BCAS3: variants seen among roughly 807,000 people sequenced by gnomAD.
The protein encoded by BCAS3 is BCAS4/BCAS3 fusion.
A neutral mutation model predicts 116.1 loss-of-function variants in BCAS3; 53 were observed. That is an observed-to-expected ratio of 0.46 (90% CI 0.37 to 0.57). The LOEUF is 0.57. Among genes scored for constraint, BCAS3 ranks in the 20% least tolerant of loss-of-function variants. The probability of loss-of-function intolerance (pLI) is 0.00; values close to 1 mark genes in which losing one functional copy is unlikely to be tolerated. For synonymous variants in BCAS3, 391 were observed against 408.2 expected (o/e 0.96, Z 0.51); for missense variants, 917 against 1,165.4 (o/e 0.79, Z 3.10).
chr17:61,268,002 C>T (rs564021599), intron 22 of BCAS3, among the ~76,000 whole-genome samples: 35 of 152,222 alleles, frequency 2.3e-4, no homozygotes, highest in Admixed American at 7.9e-4. Flanking sequence ...TAATGTCCTA[C>T]ATTTGGTGCC....
intron 22 of BCAS3, among the ~76,000 whole-genome samples, chr17:61,247,808 C>A (rs1046298121): frequency 6.6e-6 from 1 of 152,154 alleles, no homozygotes; most frequent in South Asian, 2.1e-4. Flanking sequence ...ACCATCAGGC[C>A]CCCGCCTCTA....
chr17:60,730,740 GA>G (rs1468447687), intron 5 of BCAS3, among the ~76,000 whole-genome samples: 2 of 152,092 alleles, frequency 1.3e-5, no homozygotes, highest in African/African-American at 4.8e-5. Flanking sequence ...ACTTGTTAGA[GA>G]AAAAAAGGCC....
rs543119453 is a variant in BCAS3 at position 61,005,049 on chromosome 17, G to A, written c.1487-10702G>A. 2.0e-4 allele frequency among the ~76,000 whole-genome samples: 30 copies of A among 152,228 alleles called. No individual in the cohort carries two copies. In the South Asian group the frequency reaches 6.2e-3, roughly 32 times the overall value. ...ATAGTTTTCCGGCAGTGCTCCAGCT[G>A]ATTAGGAAAGTGTTTCGGCTTGACA... On this transcript the variant is annotated intron_variant, in intron 15 of 23. Coordinates refer to ENST00000407086, the MANE Select transcript of BCAS3 (RefSeq NM_017679.5).
chr17:60,785,988 A>T (rs1354390414), intron 6 of BCAS3, among the ~76,000 whole-genome samples: 1 of 152,196 alleles, frequency 6.6e-6, no homozygotes, highest in Non-Finnish European at 1.5e-5. Context: ...TAAAGTACAC[A>T]GGAGGATGTG....
At chr17:61,331,228 G>T (rs182150464) in intron 22 of BCAS3, among the ~76,000 whole-genome samples, 1 of 152,076 alleles carries the variant, frequency 6.6e-6, no homozygotes, top group Non-Finnish European at 1.5e-5. Flanking sequence ...GTGGGAGGGG[G>T]GCTTTTTGGC....
chr17:61,000,896 T>C (rs1342515259), intron 15 of BCAS3, among the ~76,000 whole-genome samples: 2 of 152,226 alleles, frequency 1.3e-5, no homozygotes, highest in African/African-American at 4.8e-5. Flanking sequence ...TATAAATCAG[T>C]ACACCTATTC....
Position 61,012,283 on chromosome 17 carries a change from G to C in BCAS3, c.1487-3468G>C, listed in dbSNP as rs2065164292. On this transcript the variant is annotated intron_variant, in intron 15 of 23. Coordinates refer to ENST00000407086, the MANE Select transcript of BCAS3 (RefSeq NM_017679.5). The surrounding 1 kb of genome is among the most constrained non-coding windows in gnomAD (Gnocchi z 4.5). ...GCCTCCAAAAGTGTGAAGTGACAGA[G>C]CAAAGATTGAGTGGAACTTTTGCTT... is the stretch of plus-strand genomic sequence containing the variant. Among the ~76,000 whole-genome samples, 1 of 152,104 alleles carries C rather than the reference G, an allele frequency of 6.6e-6. No homozygotes were observed. Among genetic ancestry groups the C allele is most frequent in the African/African-American group, 2.4e-5 (1 of 41,444 alleles).
chr17:61,027,144 A>C (rs1351977806), intron 16 of BCAS3, among the ~76,000 whole-genome samples: 1 of 151,762 alleles, frequency 6.6e-6, no homozygotes, highest in African/African-American at 2.4e-5. Flanking sequence ...ACCACAGATG[A>C]ATTTTTTTTA....
At chr17:61,260,857 T>C (rs2049144651) in intron 22 of BCAS3, among the ~76,000 whole-genome samples, 2 of 152,264 alleles carry the variant, frequency 1.3e-5, no homozygotes, top group African/African-American at 2.4e-5. Context: ...GATCAGGCTT[T>C]ATCTTCCTTT....
Position 61,128,295 on chromosome 17 carries a change from T to A in BCAS3, c.2425+43731T>A. 1.0e-6 allele frequency: 1 copy of A among 985,190 alleles called. No individual in the cohort carries two copies. The highest frequency in any genetic ancestry group is 1.2e-6 in the Non-Finnish European group (1 of 829,752). 61.0% of individuals were successfully genotyped at this position (985,190 alleles called of 1,614,324 possible). The stretch of plus-strand genomic sequence containing the variant: ...ACTTAAATCAGATTTCATCTACGGC[T>A]GAGATGCAGAGGAGAGACTTAGTGA... On this transcript the variant is annotated intron_variant, in intron 22 of 23. Coordinates refer to ENST00000407086, the MANE Select transcript of BCAS3 (RefSeq NM_017679.5). The surrounding 1 kb of genome is among the most constrained non-coding windows in gnomAD (Gnocchi z 4.1).
intron 13 of BCAS3, among the ~76,000 whole-genome samples, chr17:60,938,649 C>G (rs911079804): frequency 6.6e-6 from 1 of 151,868 alleles, no homozygotes; most frequent in Non-Finnish European, 1.5e-5. Flanking sequence ...AATTGGAAAT[C>G]TTTTGGGAAA....
rs1268353044 is a variant in BCAS3, at chr17:61,281,567, T to C, written c.2426-86760T>C. ...CATTTTATTGTAATTTAAATTTGCA[T>C]TTCTCTTAGACTGGCATGGAACGTA... On this transcript the variant is annotated intron_variant, in intron 22 of 23. Coordinates refer to ENST00000407086, the MANE Select transcript of BCAS3 (RefSeq NM_017679.5). The surrounding 1 kb of genome is among the most constrained non-coding windows in gnomAD (Gnocchi z 4.2). Among the ~76,000 whole-genome samples the C allele has an allele frequency of 6.6e-6, 1 of 152,198 alleles. No individual in the cohort carries two copies. The highest frequency in any genetic ancestry group is 2.4e-5 in the African/African-American group (1 of 41,454).
rs1322046647 is a variant in BCAS3, at chr17:61,208,889, A to G, written c.2425+124325A>G. 2.0e-5 allele frequency among the ~76,000 whole-genome samples: 3 copies of G among 152,106 alleles called. No individual in the cohort carries two copies. Among genetic ancestry groups the G allele is most frequent in the Non-Finnish European group, 4.4e-5 (3 of 68,028 alleles). On this transcript the variant is annotated intron_variant, in intron 22 of 23. Transcript: ENST00000407086. This position sits in a 1 kb window ranked among gnomAD's most constrained non-coding sequence, Gnocchi z 4.5. ...AAGTGCTAAAAAGGAAAAAAAAAAA[A>G]AAAGGAGGGCCTGTATCTCTTGTGT... is the stretch of plus-strand genomic sequence containing the variant.
intron 22 of BCAS3, among the ~76,000 whole-genome samples, chr17:61,221,669 C>G (rs2082119136): frequency 6.6e-6 from 1 of 152,072 alleles, no homozygotes. Context: ...GGGACTGTTA[C>G]CCCAACCAAG....
chr17:61,286,295 C>G lies in BCAS3; in HGVS notation c.2426-82032C>G, dbSNP rs920092218. Among the ~76,000 whole-genome samples, 1 of 152,224 alleles carries G rather than the reference C, an allele frequency of 6.6e-6. No individual in the cohort carries two copies. Among genetic ancestry groups the G allele is most frequent in the African/African-American group, 2.4e-5 (1 of 41,464 alleles). ...ACATTTCCTCTTGCTTCTGAGTTCT[C>G]TGAATCTGCATTTGAAAGTTATCGT... is the stretch of plus-strand genomic sequence containing the variant. On this transcript the variant is annotated intron_variant, in intron 22 of 23. Coordinates refer to ENST00000407086, the MANE Select transcript of BCAS3 (RefSeq NM_017679.5). The surrounding 1 kb of genome is among the most constrained non-coding windows in gnomAD (Gnocchi z 4.8).
Position 61,171,682 on chromosome 17 carries a change from A to G in BCAS3, c.2425+87118A>G, listed in dbSNP as rs1191480438. Among the ~76,000 whole-genome samples, 3 of 152,228 alleles carry G rather than the reference A, an allele frequency of 2.0e-5. No individual in the cohort carries two copies. The highest frequency in any genetic ancestry group is 2.9e-5 in the Non-Finnish European group (2 of 68,016). On this transcript the variant is annotated intron_variant, in intron 22 of 23. Coordinates refer to ENST00000407086, the MANE Select transcript of BCAS3 (RefSeq NM_017679.5). The surrounding 1 kb of genome is among the most constrained non-coding windows in gnomAD (Gnocchi z 4.1). ...GTTGCCAAGGCTGATATGCAGTGAC[A>G]TGATTACAGCTCACTGCAGCCTCAA...
chr17:61,132,643 G>A lies in BCAS3; in HGVS notation c.2425+48079G>A, dbSNP rs746558466. 2.6e-5 allele frequency among the ~76,000 whole-genome samples: 4 copies of A among 152,202 alleles called. No homozygotes were observed. The highest frequency in any genetic ancestry group is 5.9e-5 in the Non-Finnish European group (4 of 68,034). ...AGAAAGATAAAGTGCCTTGGAAGCC[G>A]TGAAACATTCTAGGGAGCAAGAGCA... On this transcript the variant is annotated intron_variant, in intron 22 of 23. Transcript: ENST00000407086. This position sits in a 1 kb window ranked among gnomAD's most constrained non-coding sequence, Gnocchi z 5.1.
At chr17:60,743,605 A>G (rs1015723232) in intron 5 of BCAS3, among the ~76,000 whole-genome samples, 2 of 151,812 alleles carry the variant, frequency 1.3e-5, no homozygotes, top group South Asian at 2.1e-4. Flanking sequence ...TTGTCCTAAT[A>G]ATGCAGCATT....
chr17:61,170,672 G>A (rs1192678217), intron 22 of BCAS3, among the ~76,000 whole-genome samples: 1 of 152,172 alleles, frequency 6.6e-6, no homozygotes, highest in African/African-American at 2.4e-5. Flanking sequence ...AATAAATGAA[G>A]TGAGCCCTGC....
Sources: allele counts gnomAD v4.1 joint callset (sites outside exome capture counted in the v4.1 genomes callset), GRCh38; gene constraint gnomAD v4.1.1; non-coding constraint Gnocchi (gnomAD v3.1); transcripts MANE v1.5; gene names NCBI Gene and HGNC (gene_info 2026-07-23, HGNC 2026-07-21).